PARD6G: variants seen among roughly 807,000 people sequenced by gnomAD.
PARD6G encodes the protein par-6 family cell polarity regulator gamma.
Under a neutral mutation model 10.7 loss-of-function variants are expected in PARD6G, and 7 were observed. The observed-to-expected ratio is 0.66, with a 90% CI of 0.37 to 1.23. PARD6G has a LOEUF of 1.23. Among genes scored for constraint, PARD6G ranks in the 50% most tolerant of loss-of-function variants. The pLI, the probability that PARD6G is intolerant of heterozygous loss-of-function variation, is 0.02. For missense variants in PARD6G, 548 were observed against 571.8 expected (o/e 0.96, Z 0.42); for synonymous variants, 287 against 269.4 (o/e 1.07, Z -0.64).
At chr18:80,196,010 G>C (rs959073035) in intron 2 of PARD6G, among the ~76,000 whole-genome samples, 1 of 151,676 alleles carries the variant, frequency 6.6e-6, no homozygotes, top group Middle Eastern at 3.2e-3. Flanking sequence ...TTTTAACCCA[G>C]CAAGAACATT....
chr18:80,210,752 T>C (rs1967099169), intron 1 of PARD6G, among the ~76,000 whole-genome samples: 1 of 152,218 alleles, frequency 6.6e-6, no homozygotes, highest in South Asian at 2.1e-4. Context: ...TATTGCATAC[T>C]CCCTGCCAAT....
chr18:80,172,390 T>C (rs1173636465), intron 2 of PARD6G, among the ~76,000 whole-genome samples: 1 of 151,720 alleles, frequency 6.6e-6, no homozygotes, highest in East Asian at 1.9e-4. Context: ...TTTTTTTTTT[T>C]TTTTTTGAGA....
intron 1 of PARD6G, among the ~76,000 whole-genome samples, chr18:80,205,961 A>G (rs1967050210): frequency 6.6e-6 from 1 of 152,242 alleles, no homozygotes; most frequent in African/African-American, 2.4e-5. Flanking sequence ...ATCACCGCAA[A>G]GGGATACAGC....
At chr18:80,239,007 T>A (rs1967459997) in intron 1 of PARD6G, among the ~76,000 whole-genome samples, 1 of 152,098 alleles carries the variant, frequency 6.6e-6, no homozygotes, top group Non-Finnish European at 1.5e-5. Flanking sequence ...TTCCCCCAAG[T>A]GAAATGCTAC....
intron 1 of PARD6G, among the ~76,000 whole-genome samples, chr18:80,211,832 T>A (rs960603343): frequency 6.6e-6 from 1 of 152,156 alleles, no homozygotes; most frequent in African/African-American, 2.4e-5. Flanking sequence ...ATTCCACTTA[T>A]ATGAGGTAAA....
intron 1 of PARD6G, among the ~76,000 whole-genome samples, chr18:80,215,703 A>C (rs1967157879): frequency 6.6e-6 from 1 of 152,176 alleles, no homozygotes; most frequent in Non-Finnish European, 1.5e-5. Context: ...GAAAGCAATA[A>C]TGGAGAGCAA....
chr18:80,208,516 A>C (rs1967076560), intron 1 of PARD6G, among the ~76,000 whole-genome samples: 1 of 152,130 alleles, frequency 6.6e-6, no homozygotes, highest in African/African-American at 2.4e-5. Context: ...TCATTCATTC[A>C]CCTACTATCC....
At chr18:80,167,671 G>A (rs1042471134) in intron 2 of PARD6G, among the ~76,000 whole-genome samples, 26 of 152,182 alleles carry the variant, frequency 1.7e-4, no homozygotes, top group Admixed American at 5.9e-4. Context: ...TCTGAGCCAC[G>A]TAGGGAGGAC....
chr18:80,240,301 C>T (rs531477102), intron 1 of PARD6G, among the ~76,000 whole-genome samples: 1 of 152,364 alleles, frequency 6.6e-6, no homozygotes, highest in Non-Finnish European at 1.5e-5. Context: ...AAAGTCCTAA[C>T]TTGTTCCAGC....
At chr18:80,167,189 G>GT (rs1209227813) in intron 2 of PARD6G, among the ~76,000 whole-genome samples, 1 of 152,078 alleles carries the variant, frequency 6.6e-6, no homozygotes, top group Non-Finnish European at 1.5e-5. Flanking sequence ...GCGTGTGGAC[G>GT]TGTGTGCAGG....
At chr18:80,178,598 T>C (rs112331513) in intron 2 of PARD6G, among the ~76,000 whole-genome samples, 44 of 152,344 alleles carry the variant, frequency 2.9e-4, no homozygotes, top group African/African-American at 9.4e-4. Context: ...ACCATGGCAC[T>C]TTGGTAAAAC....
intron 2 of PARD6G, among the ~76,000 whole-genome samples, 165 bp from the exon 3 acceptor site, chr18:80,160,771 G>A (rs936886997): frequency 5.3e-5 from 8 of 152,240 alleles, no homozygotes; most frequent in Non-Finnish European, 1.2e-4. Context: ...GCAAGCTCAA[G>A]TGCAGCCCCT....
Position 80,247,399 on chromosome 18 carries a change from A to G in PARD6G, c.-51T>C, listed in dbSNP as rs755257616. The G allele has an allele frequency of 3.4e-6, 5 of 1,459,930 alleles. No homozygotes were observed. In the Admixed American group the frequency reaches 9.9e-5, roughly 29 times the overall value. 90.4% of individuals were successfully genotyped at this position (1,459,930 alleles called of 1,614,324 possible). ...GTCGCCCTCGCTCCTCAGGGGCCGC[A>G]GAAAGACTCCCGGGGGCGGCGCCCC... is the stretch of plus-strand genomic sequence containing the variant. On this transcript the variant is annotated 5_prime_UTR_variant, in exon 1 of 3. Transcript: ENST00000353265. The surrounding 1 kb of genome is among the most constrained non-coding windows in gnomAD (Gnocchi z 4.2).
chr18:80,162,355 A>T (rs1014180103), intron 2 of PARD6G: 5 of 155,952 alleles, frequency 3.2e-5, no homozygotes, highest in Non-Finnish European at 7.3e-5. Flanking sequence ...TGTAACCCAT[A>T]AATATATATA....
At chr18:80,196,978 C>A (rs1360533449) in intron 2 of PARD6G, among the ~76,000 whole-genome samples, 2 of 148,242 alleles carry the variant, frequency 1.3e-5, no homozygotes, top group Non-Finnish European at 3.0e-5. Flanking sequence ...GCAAACATGT[C>A]TCATGGAAAA....
intron 1 of PARD6G, among the ~76,000 whole-genome samples, chr18:80,225,246 G>A (rs1329008561): frequency 6.6e-6 from 1 of 152,142 alleles, no homozygotes; most frequent in Non-Finnish European, 1.5e-5. Flanking sequence ...AATTTTAACA[G>A]TATTTTCTTG....
chr18:80,245,795 G>A (rs1475263058), intron 1 of PARD6G, among the ~76,000 whole-genome samples: 1 of 152,092 alleles, frequency 6.6e-6, no homozygotes, highest in Non-Finnish European at 1.5e-5. Flanking sequence ...ACCCACAGCT[G>A]GCACACTTGA....
At position 80,200,368 on chromosome 18, in the gene PARD6G, C is replaced by T. The variant is rs1006921157; in HGVS notation, c.295+2342G>A. Among the ~76,000 whole-genome samples, 1 of 152,176 alleles carries T rather than the reference C, an allele frequency of 6.6e-6. No homozygotes were observed. The highest frequency in any genetic ancestry group is 1.5e-5 in the Non-Finnish European group (1 of 68,036). On this transcript the variant is annotated intron_variant, in intron 2 of 2. Transcript: ENST00000353265. The surrounding 1 kb of genome is among the most constrained non-coding windows in gnomAD (Gnocchi z 4.4). ...ATCCACTGAGGACAGCGAGAGGCAG[C>T]TCTGATTTTCCCAAAGACAGGACCG...
At chr18:80,226,143 T>C (rs914531798) in intron 1 of PARD6G, among the ~76,000 whole-genome samples, 2 of 137,938 alleles carry the variant, frequency 1.4e-5, no homozygotes, top group African/African-American at 5.4e-5. Flanking sequence ...AGGTAACCAA[T>C]GACTTCAGTT....
Sources: gnomAD v4.1 joint callset for allele counts (sites outside exome capture counted in the v4.1 genomes callset) on GRCh38, gnomAD v4.1.1 for gene constraint, Gnocchi (gnomAD v3.1) non-coding constraint, MANE v1.5 for transcripts, NCBI Gene and HGNC (gene_info 2026-07-23, HGNC 2026-07-21) for gene names.